Variants in GRAMD4 observed in about 807,000 individuals in gnomAD.
The protein encoded by GRAMD4 is GRAM domain containing 4.
A neutral mutation model predicts 83.9 loss-of-function variants in GRAMD4; 25 were observed. The observed-to-expected ratio is 0.30, with a 90% CI of 0.22 to 0.42. The LOEUF (loss-of-function observed/expected upper bound fraction) is 0.42, where lower values mean the gene tolerates loss of function less well. Ranked by LOEUF, GRAMD4 falls within the 10% of genes least tolerant of loss-of-function variation. The pLI is 1.00. For missense variants in GRAMD4, 593 were observed against 788.7 expected (o/e 0.75, Z 2.97); for synonymous variants, 336 against 320.9 (o/e 1.05, Z -0.50).
At position 46,673,706 on chromosome 22, in the gene GRAMD4, G is replaced by A. The variant is rs558233933; in HGVS notation, c.1276G>A (p.Ala426Thr). The A allele has an allele frequency of 5.9e-5, 95 of 1,612,776 alleles. No individual in the cohort carries two copies. The highest frequency in any genetic ancestry group is 2.9e-4 in the East Asian group (13 of 44,878). ...TTSSRSYVPS[A>T]PAGLGKEEDA... ...CTCGTCACGGAGCTACGTACCCAGCGCACCGGCCGGCCTGGGTAAAGAGGA... is the reference window on the plus strand; with the variant it reads ...CTCGTCACGGAGCTACGTACCCAGCACACCGGCCGGCCTGGGTAAAGAGGA... The change falls in exon 15 of 19, where the codon GCA becomes ACA. Residue 426 changes from alanine (A) to threonine (T), a missense_variant. Ala to Thr is a moderately conservative substitution (Grantham distance 58, BLOSUM62 0). This residue lies in a region of GRAMD4 where 171 missense variants were observed against 199.6 expected (regional missense o/e 0.86). Transcript: ENST00000406902.
At chr22:46,580,810 A>G (rs1287157204) in intron 1 of GRAMD4, among the ~76,000 whole-genome samples, 4 of 152,094 alleles carry the variant, frequency 2.6e-5, no homozygotes, top group African/African-American at 9.7e-5. Context: ...TACTAAAAAT[A>G]CAAAAAATTA....
In GRAMD4 at chr22:46,663,183, G is replaced by A. The variant is rs767137373; in HGVS notation, c.599+11G>A. The A allele has an allele frequency of 1.1e-5, 18 of 1,607,392 alleles. No homozygotes were observed. Among genetic ancestry groups the A allele is most frequent in the African/African-American group, 1.3e-5 (1 of 74,834 alleles). On this transcript the variant is annotated intron_variant, in intron 6 of 18. Coordinates refer to ENST00000406902, the MANE Select transcript of GRAMD4 (RefSeq NM_015124.5). ...CCTGAGCGCCCGCAGGTAGGGGTTC[G>A]CCGAGCTGGGGCTGCCTGTGCGTTA...
chr22:46,678,409 C>T lies in GRAMD4; in HGVS notation c.*1158C>T, dbSNP rs868411443. ...GGGCACAGACCCCCCCAGCCCCCGC[C>T]CTGCCCCAGGGAAGCCTGGGCTTCC... is the stretch of plus-strand genomic sequence containing the variant. On this transcript the variant is annotated 3_prime_UTR_variant, in exon 19 of 19. Transcript: ENST00000406902. 2.0e-6 allele frequency: 2 copies of T among 984,760 alleles called. No individual in the cohort carries two copies. The highest frequency in any genetic ancestry group is 1.7e-5 in the African/African-American group (1 of 57,228). The allele number at this position is 984,760 out of a possible 1,614,324, so 61.0% of individuals were successfully genotyped here.
intron 3 of GRAMD4, among the ~76,000 whole-genome samples, chr22:46,654,981 C>G (rs1354770691): frequency 6.6e-6 from 1 of 152,146 alleles, no homozygotes; most frequent in Non-Finnish European, 1.5e-5. Context: ...AAGAGCAGGA[C>G]CCGTGAGAGA....
At chr22:46,589,871 C>T (rs1262761013) in intron 1 of GRAMD4, among the ~76,000 whole-genome samples, 1 of 152,176 alleles carries the variant, frequency 6.6e-6, no homozygotes, top group African/African-American at 2.4e-5. Context: ...CCTCCCCTCC[C>T]TCAGCCCCTC....
At chr22:46,628,233 G>A (rs919531509) in intron 2 of GRAMD4, among the ~76,000 whole-genome samples, 7 of 152,310 alleles carry the variant, frequency 4.6e-5, no homozygotes, top group African/African-American at 7.2e-5. Flanking sequence ...CTCCCTCTCC[G>A]CCATCCGTCT....
intron 1 of GRAMD4, among the ~76,000 whole-genome samples, chr22:46,589,971 T>C (rs896367616): frequency 6.6e-6 from 1 of 152,252 alleles, no homozygotes; most frequent in Admixed American, 6.5e-5. Context: ...GCCTGGTTCC[T>C]GCGGCATGTA....
At position 46,621,756 on chromosome 22, in the gene GRAMD4, C is replaced by T. The variant is rs145075197; in HGVS notation, c.-50+1191C>T. Among the ~76,000 whole-genome samples the T allele has an allele frequency of 1.7e-3, 257 of 151,562 alleles. No individual in the cohort carries two copies. Among genetic ancestry groups the T allele is most frequent in the African/African-American group, 6.1e-3 (249 of 40,920 alleles). On this transcript the variant is annotated intron_variant, in intron 1 of 18. Coordinates refer to ENST00000406902, the MANE Select transcript of GRAMD4 (RefSeq NM_015124.5). The surrounding 1 kb of genome is among the most constrained non-coding windows in gnomAD (Gnocchi z 5.8). ...GAGGGCACCCCTACCCCGGTGCAGG[C>T]GCAGGCTGGAAGTGTAGCCCGGGCC...
downstream of GRAMD4, among the ~76,000 whole-genome samples, chr22:46,681,734 T>C (rs1327166528): frequency 6.6e-6 from 1 of 152,226 alleles, no homozygotes. Context: ...CCAGGGGTTC[T>C]CTTCATAGGT....
intron 16 of GRAMD4, among the ~76,000 whole-genome samples, chr22:46,675,042 C>T (rs757534611): frequency 3.3e-5 from 5 of 152,218 alleles, no homozygotes; most frequent in Non-Finnish European, 5.9e-5. Context: ...AGGAGGGGAC[C>T]GTGTGGGGAC....
At chr22:46,655,560 G>A (rs1384260972) in intron 3 of GRAMD4, among the ~76,000 whole-genome samples, 1 of 152,174 alleles carries the variant, frequency 6.6e-6, no homozygotes, top group Non-Finnish European at 1.5e-5. Context: ...CCCAAATGTG[G>A]CTGGCACTGC....
chr22:46,589,160 A>C (rs2081181450), intron 1 of GRAMD4, among the ~76,000 whole-genome samples: 1 of 150,548 alleles, frequency 6.6e-6, no homozygotes, highest in South Asian at 2.1e-4. Flanking sequence ...GAGCTGGGAG[A>C]CCCTGGCTCA....
intron 3 of GRAMD4, among the ~76,000 whole-genome samples, chr22:46,655,924 C>T (rs1019357594): frequency 2.6e-5 from 4 of 151,950 alleles, no homozygotes; most frequent in East Asian, 3.9e-4. Flanking sequence ...GACCTCCGTC[C>T]GCGGAGAAAA....
intron 3 of GRAMD4, among the ~76,000 whole-genome samples, chr22:46,642,964 TATCCATCCATCCATCC>T (rs753919146): frequency 2.3e-4 from 32 of 136,270 alleles, no homozygotes; most frequent in South Asian, 9.7e-4. Flanking sequence ...CGCATGCATC[TATCCATCCATCCATCC>T]ATCCATCCAT....
At chr22:46,625,061 C>T (rs947404242) in intron 1 of GRAMD4, among the ~76,000 whole-genome samples, 15 of 152,034 alleles carry the variant, frequency 9.9e-5, no homozygotes, top group Admixed American at 2.0e-4. Flanking sequence ...GGGGTTTCAC[C>T]GTGTCAGCCA....
chr22:46,635,204 C>T (rs866110258), intron 2 of GRAMD4, among the ~76,000 whole-genome samples: 2,686 of 77,062 alleles, frequency 0.035, 45 homozygotes, highest in Non-Finnish European at 0.051. Context: ...CCCCCGCCCC[C>T]GGCCACTCCT....
chr22:46,610,668 A>G (rs2081408340), intron 1 of GRAMD4, among the ~76,000 whole-genome samples: 1 of 152,260 alleles, frequency 6.6e-6, no homozygotes, highest in African/African-American at 2.4e-5. Context: ...GGGCAAGGGC[A>G]GTGGCAGGAA....
intron 4 of GRAMD4, among the ~76,000 whole-genome samples, chr22:46,660,900 CA>C (rs1425382926): frequency 2.0e-5 from 3 of 152,206 alleles, no homozygotes; most frequent in Admixed American, 2.0e-4. Context: ...GGGACGGAAG[CA>C]GACCCTAGTG....
At chr22:46,640,821 G>GGCCCCCC (rs2081964794) in intron 3 of GRAMD4, among the ~76,000 whole-genome samples, 1 of 15,610 alleles carries the variant, frequency 6.4e-5, no homozygotes, top group African/African-American at 3.1e-4. Flanking sequence ...CCCCTGCCCC[G>GGCCCCCC]GCCCCCCGCC....
Sources: allele counts gnomAD v4.1 joint callset (sites outside exome capture counted in the v4.1 genomes callset), GRCh38; gene constraint gnomAD v4.1.1; regional missense constraint gnomAD v4.1.1; non-coding constraint Gnocchi (gnomAD v3.1); transcripts MANE v1.5; gene names NCBI Gene and HGNC (gene_info 2026-07-23, HGNC 2026-07-21).